The following ZBTB20 variants were observed in gnomAD, a reference collection of about 807,000 sequenced individuals.
The protein encoded by ZBTB20 is zinc finger and BTB domain-containing protein 20.
ZBTB20 carries 9 observed loss-of-function variants against 56.9 expected under a neutral mutation model. The ratio of observed to expected loss-of-function variants is 0.16; its 90% CI spans 0.10 to 0.28. ZBTB20 has a LOEUF of 0.28. ZBTB20 is among the 10% of genes least tolerant of loss of function. The pLI is 1.00. For synonymous variants in ZBTB20, 417 were observed against 420.7 expected, an observed-to-expected ratio of 0.99 and a Z score of 0.11; for missense variants, 655 against 1,003.0, an observed-to-expected ratio of 0.65 and a Z score of 4.69.
At chr3:114,953,948 C>T (rs1171585318) in intron 3 of ZBTB20, among the ~76,000 whole-genome samples, 1 of 152,048 alleles carries the variant, frequency 6.6e-6, no homozygotes, top group Non-Finnish European at 1.5e-5. Context: ...TAGCCAACTA[C>T]AGTTTTCGTA....
At chr3:114,689,735 T>A (rs757502720) in intron 6 of ZBTB20, among the ~76,000 whole-genome samples, 2 of 152,134 alleles carry the variant, frequency 1.3e-5, no homozygotes, top group Admixed American at 6.6e-5. Flanking sequence ...GTGGGTAAAC[T>A]TATGGATCTT....
Position 114,317,932 on chromosome 3 carries a change from C to T in ZBTB20, c.*21073G>A, listed in dbSNP as rs1275798077. Reference sequence around the variant, plus strand: ...GAAAGGAAAAAGGAAGAAATAGAGGCCTCTCTTCAGCTTTCTGTCATTGAC... The same window carrying T: ...GAAAGGAAAAAGGAAGAAATAGAGGTCTCTCTTCAGCTTTCTGTCATTGAC... On this transcript the variant is annotated 3_prime_UTR_variant, in exon 12 of 12. Transcript: ENST00000675478. The T allele has an allele frequency of 1.3e-5, 2 of 152,064 alleles. No individual in the cohort carries two copies. Among genetic ancestry groups the T allele is most frequent in the Non-Finnish European group, 2.9e-5 (2 of 68,026 alleles). The allele number at this position is 152,064 out of a possible 1,614,324, so 9.4% of individuals were successfully genotyped here.
intron 3 of ZBTB20, among the ~76,000 whole-genome samples, chr3:114,960,258 C>T (rs1311861140): frequency 1.3e-5 from 2 of 152,074 alleles, no homozygotes; most frequent in Non-Finnish European, 2.9e-5. Flanking sequence ...TTTTCACAAG[C>T]ACAAAACTAT....
intron 7 of ZBTB20, among the ~76,000 whole-genome samples, chr3:114,476,062 A>G (rs1007758748): frequency 6.6e-6 from 1 of 152,164 alleles, no homozygotes; most frequent in Non-Finnish European, 1.5e-5. Context: ...AAATCTTAAA[A>G]ATCCTAAAAA....
chr3:114,461,925 G>A (rs1475449503), intron 7 of ZBTB20, among the ~76,000 whole-genome samples: 1 of 152,208 alleles, frequency 6.6e-6, no homozygotes, highest in Admixed American at 6.5e-5. Context: ...CTCAGAGTGA[G>A]ATCACCTGCT....
chr3:114,393,251 C>G (rs564185226), intron 7 of ZBTB20, among the ~76,000 whole-genome samples: 204 of 152,336 alleles, frequency 1.3e-3, no homozygotes, highest in South Asian at 2.9e-3. Flanking sequence ...TCTCCTTTTG[C>G]CCCCTGGCAA....
At position 114,327,877 on chromosome 3, in the gene ZBTB20, A is replaced by G. The variant is rs1336467576; in HGVS notation, c.*11128T>C. The G allele has an allele frequency of 6.6e-6, 1 of 152,204 alleles. No individual in the cohort carries two copies. The highest frequency in any genetic ancestry group is 1.5e-5 in the Non-Finnish European group (1 of 68,038). 9.4% of individuals were successfully genotyped at this position (152,204 alleles called of 1,614,324 possible). A position where few individuals can be genotyped will look rare whatever the true frequency, so the allele number is the denominator to read the frequency against. On this transcript the variant is annotated 3_prime_UTR_variant, in exon 12 of 12. Transcript: ENST00000675478. ...CAAGAATATTGGACCAGAAGTCAGG[A>G]AAGACTGTGTTACGAAGTTGTTGTG...
Position 114,568,277 on chromosome 3 carries a change from C to G in ZBTB20, c.-294-67886G>C, listed in dbSNP as rs573553731. 5.3e-5 allele frequency among the ~76,000 whole-genome samples: 8 copies of G among 152,260 alleles called. No individual in the cohort carries two copies. The East Asian group carries it at 7.7e-4, about 15-fold the overall frequency. On this transcript the variant is annotated intron_variant, in intron 6 of 11. Coordinates refer to ENST00000675478, the MANE Select transcript of ZBTB20 (RefSeq NM_001348800.3). ...AGAAAATCCACTGTCCCTCTCCCCC[C>G]ACGAAAAACCTGATGTTTGTCCTAA...
At chr3:114,963,976 T>C (rs977884292) in intron 3 of ZBTB20, among the ~76,000 whole-genome samples, 1 of 152,206 alleles carries the variant, frequency 6.6e-6, no homozygotes, top group Non-Finnish European at 1.5e-5. Flanking sequence ...CAACTGACCA[T>C]GTAGTTTCTT....
chr3:115,079,728 G>A (rs978709037), intron 1 of ZBTB20, among the ~76,000 whole-genome samples: 1 of 152,084 alleles, frequency 6.6e-6, no homozygotes, highest in Non-Finnish European at 1.5e-5. Context: ...TTATCAAGAA[G>A]TTTAAGTTCT....
At chr3:115,111,143 C>G (rs554972290) in intron 1 of ZBTB20, among the ~76,000 whole-genome samples, 1 of 151,824 alleles carries the variant, frequency 6.6e-6, no homozygotes, top group African/African-American at 2.4e-5. Flanking sequence ...TATTTCAAAC[C>G]GATGGCACTT....
chr3:114,494,717 T>C (rs889949593), intron 7 of ZBTB20, among the ~76,000 whole-genome samples: 1 of 152,238 alleles, frequency 6.6e-6, no homozygotes, highest in Non-Finnish European at 1.5e-5. Flanking sequence ...CACATTTTCC[T>C]GTAAGAGAGC....
At chr3:114,575,759 A>T (rs1015390431) in intron 6 of ZBTB20, among the ~76,000 whole-genome samples, 1 of 152,176 alleles carries the variant, frequency 6.6e-6, no homozygotes, top group African/African-American at 2.4e-5. Context: ...AACGGTAGTC[A>T]CTGGTTTAGA....
At chr3:114,769,500 A>T (rs2069027717) in intron 5 of ZBTB20, among the ~76,000 whole-genome samples, 1 of 147,162 alleles carries the variant, frequency 6.8e-6, no homozygotes, top group Non-Finnish European at 1.5e-5. Context: ...AAATATATCT[A>T]TTTGCACCTG....
intron 1 of ZBTB20, among the ~76,000 whole-genome samples, chr3:115,124,417 C>G (rs1318564252): frequency 6.6e-6 from 1 of 151,954 alleles, no homozygotes; most frequent in Non-Finnish European, 1.5e-5. Flanking sequence ...TTAAATAAAC[C>G]TAAAGACATT....
At chr3:114,858,575 T>A (rs1378085215) in intron 4 of ZBTB20, among the ~76,000 whole-genome samples, 2 of 151,678 alleles carry the variant, frequency 1.3e-5, no homozygotes, top group Admixed American at 1.3e-4. Flanking sequence ...ATCATGGACA[T>A]CATATTTGCT....
intron 2 of ZBTB20, among the ~76,000 whole-genome samples, chr3:115,007,308 C>T (rs1372354254): frequency 1.3e-5 from 2 of 151,404 alleles, no homozygotes; most frequent in Non-Finnish European, 3.0e-5. Context: ...ATTATGTCTA[C>T]TCCTTTTGAA....
chr3:114,415,348 G>A (rs905906766), intron 7 of ZBTB20, among the ~76,000 whole-genome samples: 2 of 152,112 alleles, frequency 1.3e-5, no homozygotes, highest in African/African-American at 4.8e-5. Context: ...ATATAGGGAT[G>A]GAAGACATCT....
intron 2 of ZBTB20, among the ~76,000 whole-genome samples, chr3:115,064,626 T>C (rs1248384697): frequency 6.6e-6 from 1 of 151,888 alleles, no homozygotes; most frequent in Non-Finnish European, 1.5e-5. Flanking sequence ...TAGTTTTAAA[T>C]TTTTTAGAGA....
Sources: gnomAD v4.1 joint callset for allele counts (sites outside exome capture counted in the v4.1 genomes callset) on GRCh38, gnomAD v4.1.1 for gene constraint, MANE v1.5 for transcripts, NCBI Gene and HGNC (gene_info 2026-07-23, HGNC 2026-07-21) for gene names.